Variants in UBE4A observed in about 807,000 individuals in gnomAD.
UBE4A encodes ubiquitination factor E4A.
In UBE4A, 48 loss-of-function variants were observed where a neutral mutation model predicts 117.9. That is an observed-to-expected ratio of 0.41 (90% CI 0.32 to 0.52). The LOEUF is 0.52. Ranked by LOEUF, UBE4A falls within the 20% of genes least tolerant of loss-of-function variation. UBE4A has a pLI of 0.33. For synonymous variants in UBE4A, 407 were observed against 450.0 expected, an observed-to-expected ratio of 0.90 and a Z score of 1.21; for missense variants, 1,067 against 1,296.3, an observed-to-expected ratio of 0.82 and a Z score of 2.72.
intron 9 of UBE4A, among the ~76,000 whole-genome samples, chr11:118,376,266 CATG>C (rs879994258): frequency 1.3e-5 from 2 of 152,176 alleles, no homozygotes; most frequent in Non-Finnish European, 2.9e-5. Flanking sequence ...TAATTGTAAA[CATG>C]ATAACTGCTC....
chr11:118,377,550 A>G (rs1948663729), intron 10 of UBE4A, among the ~76,000 whole-genome samples: 1 of 152,040 alleles, frequency 6.6e-6, no homozygotes, highest in African/African-American at 2.4e-5. Flanking sequence ...AAATTAAATC[A>G]CTGTCTTCCT....
chr11:118,363,845 T>C (rs995396962), intron 1 of UBE4A, among the ~76,000 whole-genome samples: 7 of 152,130 alleles, frequency 4.6e-5, no homozygotes, highest in Non-Finnish European at 8.8e-5. Flanking sequence ...CTTGAACTCC[T>C]GACCTCAGGT....
At chr11:118,381,024 T>C (rs782803224) in intron 11 of UBE4A, among the ~76,000 whole-genome samples, 15 of 152,164 alleles carry the variant, frequency 9.9e-5, no homozygotes, top group Non-Finnish European at 1.5e-4. Flanking sequence ...GCAATGATCA[T>C]TGGAGGACCA....
chr11:118,369,869 G>A (rs987700056), intron 4 of UBE4A, among the ~76,000 whole-genome samples: 2 of 151,990 alleles, frequency 1.3e-5, no homozygotes, highest in African/African-American at 2.4e-5. Flanking sequence ...TGAGGCAGGT[G>A]GATCACGAGG....
At chr11:118,382,883 T>C in intron 13 of UBE4A, 107 bp downstream of exon 13, 1 of 1,092,682 alleles carries the variant, frequency 9.2e-7, no homozygotes, top group Non-Finnish European at 1.2e-6. Flanking sequence ...CATTACTTAT[T>C]GAATACCTAC....
chr11:118,394,540 G>A (rs1244182956), intron 19 of UBE4A, among the ~76,000 whole-genome samples: 3 of 152,188 alleles, frequency 2.0e-5, no homozygotes, highest in African/African-American at 7.2e-5. Flanking sequence ...GGAGGCTGAA[G>A]CAGGTGGATC....
chr11:118,375,072 A>G lies in UBE4A; in HGVS notation c.1293A>G (p.Ser431=). The change falls in exon 9 of 20, where the codon TCA becomes TCG. Residue 431 remains serine, a synonymous_variant. Coordinates refer to ENST00000252108, the MANE Select transcript of UBE4A (RefSeq NM_001204077.2). ...AAATCTTTTTCCAAATGTATGCCTC[A>G]GATGCTTTCTTTCTGAATCTGGGTG... ...MPEIFFQMYA[S]DAFFLNLGAA... is the part of the protein sequence containing the mutation. 1 of 1,614,234 alleles carries G rather than the reference A, an allele frequency of 6.2e-7. No individual in the cohort carries two copies. The highest frequency in any genetic ancestry group is 1.1e-5 in the South Asian group (1 of 91,082).
rs782696142 is a variant in UBE4A at position 118,379,485 on chromosome 11, T to G, written c.1611T>G (p.His537Gln). The change falls in exon 11 of 20, where the codon CAT becomes CAG. Residue 537 changes from histidine (H) to glutamine (Q), a missense_variant. Around this residue, in one of 3 missense-constraint regions of UBE4A, gnomAD observed 1,001 missense variants for 1,184.0 expected, o/e 0.85. Coordinates refer to ENST00000252108, the MANE Select transcript of UBE4A (RefSeq NM_001204077.2). ...TGGTAAAAATCAACCAAAATCTGCATCGGCTGCAGGTTGCCTGGCGGGATG... is the reference window on the plus strand; with the variant it reads ...TGGTAAAAATCAACCAAAATCTGCAGCGGCTGCAGGTTGCCTGGCGGGATG... ...DQMVKINQNL[H>Q]RLQVAWRDAQ... 6.2e-7 allele frequency: 1 copy of G among 1,614,080 alleles called. No homozygotes were observed. Among genetic ancestry groups the G allele is most frequent in the Non-Finnish European group, 8.5e-7 (1 of 1,179,942 alleles).
rs1948901885 is a variant in UBE4A, at chr11:118,399,126, C to T, written c.*2686C>T. 2.2e-6 allele frequency: 1 copy of T among 451,308 alleles called. No homozygotes were observed. Among genetic ancestry groups the T allele is most frequent in the Non-Finnish European group, 4.5e-6 (1 of 223,840 alleles). 28.0% of individuals were successfully genotyped at this position (451,308 alleles called of 1,614,324 possible). On this transcript the variant is annotated 3_prime_UTR_variant, in exon 20 of 20. Transcript: ENST00000252108. ...TGATCAACGCGACTGTATTTTGAAA[C>T]ATTCCAGGAAGGTTACTTCTTGTCA... is the stretch of plus-strand genomic sequence containing the variant.
At chr11:118,375,735 C>A (rs1363004020) in intron 9 of UBE4A, among the ~76,000 whole-genome samples, 2 of 151,938 alleles carry the variant, frequency 1.3e-5, no homozygotes, top group East Asian at 3.9e-4. Context: ...TTTAGTGAGA[C>A]CTTCTCTCTG....
rs556356213 is a variant in UBE4A at position 118,395,066 on chromosome 11, G to A, written c.3075-1248G>A. Among the ~76,000 whole-genome samples, 104 of 152,218 alleles carry A rather than the reference G, an allele frequency of 6.8e-4. No homozygotes were observed. In the Middle Eastern group the frequency reaches 0.024, roughly 35 times the overall value. On this transcript the variant is annotated intron_variant, in intron 19 of 19. Transcript: ENST00000252108. ...TTTTTGGCCAGGTGCAGTGGCTTAC[G>A]CCTGTAATCCCAGCACTTTGGGAGG...
intron 2 of UBE4A, among the ~76,000 whole-genome samples, chr11:118,368,344 T>C (rs946918677): frequency 6.6e-6 from 1 of 152,226 alleles, no homozygotes. Flanking sequence ...GGTAATTCTT[T>C]GTTCACTAGG....
rs1403456106 is a variant in UBE4A at position 118,396,450 on chromosome 11, A to G, written c.*10A>G. Reference sequence around the variant, plus strand: ...GGAGCAACTTGAATAGATACTGTGAACTAACCAAACCAAAACCAACCCCAG... The same window carrying G: ...GGAGCAACTTGAATAGATACTGTGAGCTAACCAAACCAAAACCAACCCCAG... On this transcript the variant is annotated 3_prime_UTR_variant, in exon 20 of 20. Transcript: ENST00000252108. 2.5e-6 allele frequency: 4 copies of G among 1,611,738 alleles called. No homozygotes were observed. The East Asian group carries it at 6.7e-5, about 27-fold the overall frequency.
chr11:118,382,577 C>A lies in UBE4A; in HGVS notation c.2010-12C>A. ...GCTTATCTGCTCATCTTGCTTTTTG[C>A]CCATTTTGCAGAATGAAGAATCCCC... On this transcript the variant is annotated splice_polypyrimidine_tract_variant and intron_variant, in intron 12 of 19. Transcript: ENST00000252108. 3 of 1,514,046 alleles carry A rather than the reference C, an allele frequency of 2.0e-6. No individual in the cohort carries two copies. The highest frequency in any genetic ancestry group is 2.6e-5 in the South Asian group (2 of 76,874). The allele number at this position is 1,514,046 out of a possible 1,614,324, so 93.8% of individuals were successfully genotyped here.
At position 118,396,551 on chromosome 11, in the gene UBE4A, T is replaced by C. The variant is rs1194162735; in HGVS notation, c.*111T>C. ...TTTCTTTCTTCTTTTCTTTTTCTTT[T>C]TTTTTTTTTTTTTTACTAAATTAGA... On this transcript the variant is annotated 3_prime_UTR_variant, in exon 20 of 20. Coordinates refer to ENST00000252108, the MANE Select transcript of UBE4A (RefSeq NM_001204077.2). The C allele has an allele frequency of 6.8e-5, 80 of 1,184,226 alleles. No homozygotes were observed. Among genetic ancestry groups the C allele is most frequent in the Non-Finnish European group, 8.5e-5 (76 of 891,522 alleles). The allele number at this position is 1,184,226 out of a possible 1,614,324, so 73.4% of individuals were successfully genotyped here. A position where few individuals can be genotyped will look rare whatever the true frequency, so the allele number is the denominator to read the frequency against.
chr11:118,385,587 T>A (rs1162135701), intron 15 of UBE4A, among the ~76,000 whole-genome samples: 1 of 152,178 alleles, frequency 6.6e-6, no homozygotes, highest in Non-Finnish European at 1.5e-5. Flanking sequence ...GTGGAACTGC[T>A]TACTTCTCCC....
chr11:118,384,711 A>G lies in UBE4A; in HGVS notation c.2274A>G (p.Thr758=), dbSNP rs781918936. ...MYPILRYMWG[T]DTYRESIKDL... ...CTATCCTAAGATACATGTGGGGGAC[A>G]GATACCTATCGGGAGAGCATTAAGG... The change falls in exon 14 of 20, where the codon ACA becomes ACG. Residue 758 remains threonine, a synonymous_variant. Transcript: ENST00000252108. The G allele has an allele frequency of 4.3e-6, 7 of 1,614,102 alleles. No individual in the cohort carries two copies. Among genetic ancestry groups the G allele is most frequent in the South Asian group, 3.3e-5 (3 of 91,076 alleles).
chr11:118,384,193 A>G (rs557326673), intron 13 of UBE4A, among the ~76,000 whole-genome samples: 13 of 152,060 alleles, frequency 8.5e-5, no homozygotes, highest in Non-Finnish European at 1.8e-4. Flanking sequence ...TCCTGACCTG[A>G]TTTTTCAGAG....
intron 19 of UBE4A, among the ~76,000 whole-genome samples, chr11:118,393,830 A>C (rs1316391729): frequency 6.6e-6 from 1 of 152,166 alleles, no homozygotes; most frequent in Non-Finnish European, 1.5e-5. Flanking sequence ...TCCTGATTTC[A>C]AGTGATCCTC....
Sources: allele counts gnomAD v4.1 joint callset (sites outside exome capture counted in the v4.1 genomes callset), GRCh38; gene constraint gnomAD v4.1.1; regional missense constraint gnomAD v4.1.1; transcripts MANE v1.5; gene names NCBI Gene and HGNC (gene_info 2026-07-23, HGNC 2026-07-21).